RC3H2: variants seen among roughly 807,000 people sequenced by gnomAD.
The protein encoded by RC3H2 is ring finger and CCCH-type domains 2, also known as roquin-2.
In RC3H2, 31 loss-of-function variants were observed where a neutral mutation model predicts 133.3. The observed-to-expected ratio is 0.23, with a 90% CI of 0.17 to 0.31. The LOEUF (loss-of-function observed/expected upper bound fraction) is 0.31. Among genes scored for constraint, RC3H2 ranks in the 10% least tolerant of loss-of-function variants. The pLI, the probability that RC3H2 is intolerant of heterozygous loss-of-function variation, is 1.00. For synonymous variants in RC3H2, 517 were observed against 502.2 expected, an observed-to-expected ratio of 1.03 and a Z score of -0.40; for missense variants, 1,175 against 1,437.2, an observed-to-expected ratio of 0.82 and a Z score of 2.95.
intron 1 of RC3H2, among the ~76,000 whole-genome samples, chr9:122,903,329 T>G (rs1008300111): frequency 2.6e-5 from 4 of 152,212 alleles, no homozygotes; most frequent in Admixed American, 2.6e-4. Context: ...AACTAAACAG[T>G]AAGTAGTTAC....
intron 10 of RC3H2, among the ~76,000 whole-genome samples, chr9:122,861,814 A>T (rs1830466713): frequency 6.6e-6 from 1 of 152,216 alleles, no homozygotes; most frequent in South Asian, 2.1e-4. Context: ...TTCTATGTGT[A>T]ACTGTATATT....
At chr9:122,868,092 C>T (rs1260109354) in intron 9 of RC3H2, among the ~76,000 whole-genome samples, 2 of 136,574 alleles carry the variant, frequency 1.5e-5, no homozygotes, top group East Asian at 4.6e-4. Context: ...CCCCGCCCGG[C>T]CAGCCACCCC....
intron 9 of RC3H2, among the ~76,000 whole-genome samples, chr9:122,872,257 T>C (rs904806025): frequency 7.2e-5 from 11 of 152,206 alleles, no homozygotes; most frequent in African/African-American, 2.4e-4. Flanking sequence ...CCACATTCAA[T>C]TGGTCCATGT....
rs1564322863 is a variant in RC3H2 at position 122,899,090 on chromosome 9, G to GGTTTTTTTTT, written c.-67-1515_-67-1514insAAAAAAAAAC. Reference sequence around the variant, plus strand: ...AAAAAATTCTATTAGCCTTTATTGTGTTTTTTTTTTTTTTTTTTTTTTTTT... The same window carrying GGTTTTTTTTT: ...AAAAAATTCTATTAGCCTTTATTGTGGTTTTTTTTTTTTTTTTTTTTTTTTTTTTTTTTTT... On this transcript the variant is annotated intron_variant, in intron 1 of 20. Coordinates refer to ENST00000357244, the MANE Select transcript of RC3H2 (RefSeq NM_001100588.3). Among the ~76,000 whole-genome samples the GGTTTTTTTTT allele has an allele frequency of 5.7e-5, 5 of 88,410 alleles. 2 individuals carry two copies. Among genetic ancestry groups the GGTTTTTTTTT allele is most frequent in the Non-Finnish European group, 1.0e-4 (5 of 49,386 alleles). The allele number at this position is 88,410 out of a possible 152,430, so 58.0% of individuals were successfully genotyped here. A position where few individuals can be genotyped will look rare whatever the true frequency, so the allele number is the denominator to read the frequency against.
At chr9:122,881,733 C>T (rs986347058) in intron 5 of RC3H2, among the ~76,000 whole-genome samples, 2 of 152,160 alleles carry the variant, frequency 1.3e-5, no homozygotes, top group African/African-American at 4.8e-5. Context: ...AATCTAGGCT[C>T]GCTGTAGCCT....
intron 4 of RC3H2, 21 bp from the exon 5 acceptor site, chr9:122,883,400 T>C (rs765138819): frequency 6.4e-7 from 1 of 1,574,260 alleles, no homozygotes; most frequent in Non-Finnish European, 8.6e-7. Context: ...TAAAGGAACA[T>C]GAGTTCATGA....
chr9:122,861,950 A>C (rs1219760080), intron 10 of RC3H2, among the ~76,000 whole-genome samples: 1 of 152,228 alleles, frequency 6.6e-6, no homozygotes, highest in East Asian at 1.9e-4. Flanking sequence ...GACAACAAGG[A>C]AAATGATTAG....
At chr9:122,875,448 A>C (rs1255473009) in intron 9 of RC3H2, 2 of 1,433,732 alleles carry the variant, frequency 1.4e-6, no homozygotes, top group Non-Finnish European at 1.8e-6. Flanking sequence ...TAAAGTTTAC[A>C]GCCATGCCCA....
At position 122,858,815 on chromosome 9, in the gene RC3H2, T is replaced by C; in HGVS notation, c.2137A>G (p.Arg713Gly). Residue 713 changes from arginine (R) to glycine (G), a missense_variant, in exon 12 of 21, where the codon AGA (arginine) becomes GGA (glycine). Physicochemically the swap from Arg to Gly is moderately radical, Grantham distance 125. Around this residue, in one of 8 missense-constraint regions of RC3H2, gnomAD observed 490 missense variants for 492.8 expected, o/e 0.99. Coordinates refer to ENST00000357244, the MANE Select transcript of RC3H2 (RefSeq NM_001100588.3). ...PPMYQRDDII[R>G]SNSLPPMDVM... Reference sequence around the variant, plus strand: ...TCCATTGGAGGTAAAGAATTGCTTCTAATAATGTCATCTCGTTGGTACATA... The same window carrying C: ...TCCATTGGAGGTAAAGAATTGCTTCCAATAATGTCATCTCGTTGGTACATA... 2 of 1,614,280 alleles carry C rather than the reference T, an allele frequency of 1.2e-6. No individual in the cohort carries two copies. Among genetic ancestry groups the C allele is most frequent in the Non-Finnish European group, 1.7e-6 (2 of 1,180,050 alleles).
chr9:122,883,712 G>T (rs1480920906), intron 4 of RC3H2, among the ~76,000 whole-genome samples: 4 of 152,144 alleles, frequency 2.6e-5, no homozygotes, highest in African/African-American at 9.7e-5. Flanking sequence ...TGGGTGTGGT[G>T]GTTCATGCCT....
intron 1 of RC3H2, among the ~76,000 whole-genome samples, chr9:122,903,075 C>T (rs1208695006): frequency 1.3e-5 from 2 of 151,836 alleles, no homozygotes; most frequent in African/African-American, 4.8e-5. Context: ...CATGTGGCCA[C>T]TGGCTAGTAC....
At chr9:122,896,136 AAAC>A (rs1266123771) in intron 2 of RC3H2, among the ~76,000 whole-genome samples, 2,328 of 144,946 alleles carry the variant, frequency 0.016, 55 homozygotes, top group East Asian at 0.083. Context: ...AAAAAAAAAA[AAAC>A]TTTACGAATT....
At chr9:122,862,976 T>C (rs1328378042) in intron 10 of RC3H2, among the ~76,000 whole-genome samples, 2 of 151,954 alleles carry the variant, frequency 1.3e-5, no homozygotes, top group African/African-American at 4.8e-5. Flanking sequence ...GGGTGTACAA[T>C]TCAGTAATTT....
At chr9:122,849,999 C>T (rs1000754463) in intron 20 of RC3H2, among the ~76,000 whole-genome samples, 177 bp from the exon 21 acceptor site, 3 of 152,120 alleles carry the variant, frequency 2.0e-5, no homozygotes, top group African/African-American at 7.2e-5. Flanking sequence ...ATTTTTGAGA[C>T]AGAGTCTCCC....
chr9:122,851,533 C>T, intron 18 of RC3H2, 97 bp from the exon 19 acceptor site: 1 of 1,479,790 alleles, frequency 6.8e-7, no homozygotes, highest in Non-Finnish European at 9.0e-7. Context: ...TCCATGGTCT[C>T]CCTCTCATGC....
At chr9:122,889,868 G>A (rs2131484560) in intron 4 of RC3H2, among the ~76,000 whole-genome samples, 1 of 152,280 alleles carries the variant, frequency 6.6e-6, no homozygotes, top group East Asian at 1.9e-4. Context: ...TTGGCTGGGT[G>A]CAGTGGCTCA....
intron 4 of RC3H2, among the ~76,000 whole-genome samples, chr9:122,887,945 A>G (rs541427720): frequency 6.6e-5 from 10 of 152,114 alleles, no homozygotes; most frequent in African/African-American, 2.2e-4. Flanking sequence ...GGGTTTCGCC[A>G]TGTTGGCCAG....
intron 4 of RC3H2, among the ~76,000 whole-genome samples, 190 bp from the exon 5 acceptor site, chr9:122,883,569 T>C (rs1831746467): frequency 6.6e-6 from 1 of 152,168 alleles, no homozygotes; most frequent in African/African-American, 2.4e-5. Context: ...ATACTTTCCA[T>C]AAATAAAACA....
chr9:122,865,737 A>C, intron 9 of RC3H2, 80 bp from the exon 10 acceptor site: 1 of 1,202,554 alleles, frequency 8.3e-7, no homozygotes. Flanking sequence ...GGGCAATGGG[A>C]ATAGATTGAA....
Sources: gnomAD v4.1 joint callset for allele counts (sites outside exome capture counted in the v4.1 genomes callset) on GRCh38, gnomAD v4.1.1 for gene constraint, gnomAD v4.1.1 regional missense constraint, MANE v1.5 for transcripts, NCBI Gene and HGNC (gene_info 2026-07-23, HGNC 2026-07-21) for gene names.